MALRD1: variants seen among roughly 807,000 people sequenced by gnomAD.
MALRD1 encodes the protein MAM and LDL receptor class A domain containing 1.
MALRD1 carries 247 observed loss-of-function variants against 242.1 expected under a neutral mutation model. The ratio of observed to expected loss-of-function variants is 1.02; its 90% confidence interval spans 0.92 to 1.13. MALRD1 has a LOEUF of 1.13. Among genes scored for constraint, MALRD1 ranks in the 50% most tolerant of loss-of-function variants. The pLI is 0.00. For missense variants in MALRD1, 2,989 were observed against 2,533.1 expected (o/e 1.18, Z -3.86); for synonymous variants, 995 against 866.6 (o/e 1.15, Z -2.60).
At chr10:19,106,760 C>G (rs1264906102) in intron 5 of MALRD1, among the ~76,000 whole-genome samples, 2 of 151,814 alleles carry the variant, frequency 1.3e-5, no homozygotes, top group Non-Finnish European at 3.0e-5. Flanking sequence ...TTGATGTAAG[C>G]ATTTATTGGT....
chr10:19,567,507 T>G lies in MALRD1; in HGVS notation c.5484T>G (p.Tyr1828Ter). 1 of 1,550,286 alleles carries G rather than the reference T, an allele frequency of 6.5e-7. No individual in the cohort carries two copies. Among genetic ancestry groups the G allele is most frequent in the South Asian group, 1.2e-5 (1 of 84,060 alleles). Residue 1828 changes from tyrosine to a stop codon, truncating the protein, a stop_gained, in exon 33 of 40, where the codon TAT becomes TAG. Coordinates refer to ENST00000454679, the MANE Select transcript of MALRD1 (RefSeq NM_001142308.3). LOFTEE classifies it high-confidence loss of function. ...TTTTTTAATGATTTTTAAAGGTGTATACCATTGAAGAATCGGGGCTAAACA... is the reference window on the plus strand; with the variant it reads ...TTTTTTAATGATTTTTAAAGGTGTAGACCATTGAAGAATCGGGGCTAAACA... ...DPRSMGILKV[Y>*]TIEESGLNIL...
At chr10:19,317,554 G>GT (rs890028438) in intron 21 of MALRD1, among the ~76,000 whole-genome samples, 10 of 151,760 alleles carry the variant, frequency 6.6e-5, no homozygotes, top group African/African-American at 2.4e-4. Context: ...AACAGCCTAA[G>GT]TTAGCACAGT....
intron 2 of MALRD1, among the ~76,000 whole-genome samples, chr10:19,084,790 C>G (rs4265498): frequency 0.53 from 81,003 of 151,758 alleles, 21,725 homozygotes; most frequent in Middle Eastern, 0.6. Context: ...TAACCAGTAA[C>G]TGAGAAAAAG....
intron 19 of MALRD1, among the ~76,000 whole-genome samples, chr10:19,262,264 C>T (rs1268775302): frequency 6.6e-6 from 1 of 151,980 alleles, no homozygotes; most frequent in African/African-American, 2.4e-5. Flanking sequence ...GATGTTTTGA[C>T]ATGTCTATAT....
chr10:19,318,794 T>C (rs990158670), intron 21 of MALRD1, among the ~76,000 whole-genome samples: 9 of 152,186 alleles, frequency 5.9e-5, no homozygotes, highest in Non-Finnish European at 1.0e-4. Context: ...TTTATTAATT[T>C]TAAATTCACT....
At chr10:19,228,486 A>G (rs1203669778) in intron 18 of MALRD1, among the ~76,000 whole-genome samples, 1 of 152,230 alleles carries the variant, frequency 6.6e-6, no homozygotes, top group Admixed American at 6.5e-5. Flanking sequence ...GATGATATTC[A>G]TCTGCCATAA....
At chr10:19,479,039 A>G (rs2358406) in intron 29 of MALRD1, among the ~76,000 whole-genome samples, 131,233 of 152,246 alleles carry the variant, frequency 0.86, 56,727 homozygotes, top group East Asian at 1. Flanking sequence ...TCTCACTGCA[A>G]TGGTGAAGCC....
chr10:19,694,328 C>A (rs1833261295), intron 38 of MALRD1, among the ~76,000 whole-genome samples: 1 of 152,170 alleles, frequency 6.6e-6, no homozygotes, highest in Non-Finnish European at 1.5e-5. Flanking sequence ...ATCTACTCAT[C>A]TGACAAAGGG....
intron 13 of MALRD1, 28 bp downstream of exon 13, chr10:19,165,838 C>A: frequency 8.2e-7 from 1 of 1,226,486 alleles, no homozygotes; most frequent in South Asian, 4.1e-5. Context: ...TAATACAACT[C>A]AACAGAAGAC....
chr10:19,525,053 T>C (rs11010241), intron 31 of MALRD1, among the ~76,000 whole-genome samples: 82,737 of 151,074 alleles, frequency 0.55, 25,241 homozygotes, highest in East Asian at 0.75. Flanking sequence ...TACAGGCATG[T>C]ACCACCATGC....
intron 18 of MALRD1, among the ~76,000 whole-genome samples, chr10:19,212,909 C>T (rs1837137158): frequency 7.4e-6 from 1 of 135,338 alleles, no homozygotes; most frequent in African/African-American, 2.8e-5. Context: ...TCCAGTCTTT[C>T]ACCCAAGTTT....
chr10:19,409,485 C>T lies in MALRD1; in HGVS notation c.4845+19876C>T, dbSNP rs1157490948. Among the ~76,000 whole-genome samples, 3 of 151,866 alleles carry T rather than the reference C, an allele frequency of 2.0e-5. No homozygotes were observed. In the East Asian group the frequency reaches 5.8e-4, roughly 29 times the overall value. Reference sequence around the variant, plus strand: ...AAAATAAATGAAAATAAATAGATAACATATTAGGGATTGCAAAAAGTTAAG... The same window carrying T: ...AAAATAAATGAAAATAAATAGATAATATATTAGGGATTGCAAAAAGTTAAG... On this transcript the variant is annotated intron_variant, in intron 28 of 39. Coordinates refer to ENST00000454679, the MANE Select transcript of MALRD1 (RefSeq NM_001142308.3).
chr10:19,494,674 GAATC>G (rs1837636047), intron 30 of MALRD1, among the ~76,000 whole-genome samples: 1 of 151,926 alleles, frequency 6.6e-6, no homozygotes, highest in Non-Finnish European at 1.5e-5. Context: ...ATTCAGGAAA[GAATC>G]AAGAGCTTGA....
chr10:19,309,886 A>G (rs886395907), intron 21 of MALRD1, among the ~76,000 whole-genome samples: 1 of 151,496 alleles, frequency 6.6e-6, no homozygotes, highest in African/African-American at 2.4e-5. Flanking sequence ...AAAGACTACA[A>G]AGGATTGAGT....
intron 14 of MALRD1, among the ~76,000 whole-genome samples, chr10:19,188,213 C>T (rs759510401): frequency 2.6e-5 from 4 of 152,074 alleles, no homozygotes; most frequent in African/African-American, 7.2e-5. Context: ...TGATGCCCAT[C>T]GTCAATGACC....
At chr10:19,264,217 AATGTT>A (rs1306838555) in intron 19 of MALRD1, among the ~76,000 whole-genome samples, 1 of 152,134 alleles carries the variant, frequency 6.6e-6, no homozygotes, top group Non-Finnish European at 1.5e-5. Flanking sequence ...TCATTCTGTT[AATGTT>A]ATGTATCACA....
chr10:19,709,027 T>C lies in MALRD1; in HGVS notation c.6314+16473T>C, dbSNP rs1216754261. The stretch of plus-strand genomic sequence containing the variant: ...AACATGGATAAGCCTTTTTTTTTTT[T>C]CATTTTTTGAAATTGTCTTTTTACT... On this transcript the variant is annotated intron_variant, in intron 38 of 39. Transcript: ENST00000454679. 1.6e-4 allele frequency among the ~76,000 whole-genome samples: 19 copies of C among 121,110 alleles called. 5 individuals are homozygous for C. Among genetic ancestry groups the C allele is most frequent in the African/African-American group, 5.0e-4 (19 of 38,214 alleles). 79.5% of individuals were successfully genotyped at this position (121,110 alleles called of 152,430 possible).
At chr10:19,082,349 A>G (rs1835517784) in intron 2 of MALRD1, among the ~76,000 whole-genome samples, 1 of 151,794 alleles carries the variant, frequency 6.6e-6, no homozygotes, top group African/African-American at 2.4e-5. Flanking sequence ...TTACATCATT[A>G]CATATTGTGC....
rs1834407103 is a variant in MALRD1, at chr10:19,048,925, G to A, written c.-14G>A. 1 of 1,232,654 alleles carries A rather than the reference G, an allele frequency of 8.1e-7. No homozygotes were observed. The highest frequency in any genetic ancestry group is 1.6e-5 in the African/African-American group (1 of 64,480). The allele number at this position is 1,232,654 out of a possible 1,614,324, so 76.4% of individuals were successfully genotyped here. ...TATTACAACTGCTTGATCTCTAATAGACAATACCAAGTAATGCTCTTCTTC... is the reference window on the plus strand; with the variant it reads ...TATTACAACTGCTTGATCTCTAATAAACAATACCAAGTAATGCTCTTCTTC... On this transcript the variant is annotated 5_prime_UTR_variant, in exon 1 of 40. Coordinates refer to ENST00000454679, the MANE Select transcript of MALRD1 (RefSeq NM_001142308.3).
Sources: allele counts gnomAD v4.1 joint callset (sites outside exome capture counted in the v4.1 genomes callset), GRCh38; gene constraint gnomAD v4.1.1; transcripts MANE v1.5; gene names NCBI Gene and HGNC (gene_info 2026-07-23, HGNC 2026-07-21).